The following SLC9D1 variants were observed in gnomAD, a reference collection of about 807,000 sequenced individuals.
SLC9D1 encodes putative LAG1-interacting protein.
At chr13:113,530,465 G>A in the SLC9D1 span, 6 of 151,946 alleles carry the variant, frequency 3.9e-5, no homozygotes, top group Non-Finnish European at 7.4e-5. Context: ...TATATAACAA[G>A]GTGTTAATGA....
At chr13:113,522,415 A>C in the SLC9D1 span, among the ~76,000 whole-genome samples, 2 of 152,186 alleles carry the variant, frequency 1.3e-5, no homozygotes, top group Non-Finnish European at 2.9e-5. Flanking sequence ...ATCTGGGCTC[A>C]CTGCAAGCTC....
chr13:113,540,701 G>A, the SLC9D1 span, among the ~76,000 whole-genome samples: 1 of 152,212 alleles, frequency 6.6e-6, no homozygotes, highest in South Asian at 2.1e-4. Flanking sequence ...CCTGCTGAGA[G>A]CTGCTTTGCT....
the SLC9D1 span, chr13:113,495,709 C>T: frequency 1.9e-6 from 3 of 1,613,106 alleles, no homozygotes; most frequent in Middle Eastern, 1.7e-4. Flanking sequence ...GGGGTGGCTG[C>T]CATGCAGAGC....
the SLC9D1 span, chr13:113,510,205 A>G: frequency 6.3e-7 from 1 of 1,594,840 alleles, no homozygotes; most frequent in Non-Finnish European, 8.6e-7. Flanking sequence ...TGTTGTCACT[A>G]AAAAGTGTGT....
chr13:113,498,336 G>T, the SLC9D1 span: 1 of 1,520,836 alleles, frequency 6.6e-7, no homozygotes, highest in Non-Finnish European at 8.7e-7. Flanking sequence ...TCTTACAAAT[G>T]AATAGGAAGA....
the SLC9D1 span, among the ~76,000 whole-genome samples, chr13:113,499,724 C>T: frequency 1.3e-5 from 2 of 152,116 alleles, no homozygotes; most frequent in African/African-American, 2.4e-5. Flanking sequence ...GAGGAGAACT[C>T]GTATTTTAAG....
chr13:113,510,006 C>T, the SLC9D1 span, among the ~76,000 whole-genome samples: 1 of 152,182 alleles, frequency 6.6e-6, no homozygotes, highest in Non-Finnish European at 1.5e-5. Context: ...TATTCACACA[C>T]ATGGGGAGAG....
chr13:113,497,256 C>A, the SLC9D1 span, among the ~76,000 whole-genome samples: 450 of 152,138 alleles, frequency 3.0e-3, 8 homozygotes, highest in East Asian at 2.0e-3. Context: ...ATGAGACCTG[C>A]AGCTATGTGA....
chr13:113,544,410 C>T, the SLC9D1 span, among the ~76,000 whole-genome samples: 5,758 of 152,328 alleles, frequency 0.038, 294 homozygotes, highest in African/African-American at 0.12. Flanking sequence ...AGTGTGGCTC[C>T]GGCCCAGGTT....
At chr13:113,510,381 C>T in the SLC9D1 span, 77 of 1,613,654 alleles carry the variant, frequency 4.8e-5, no homozygotes, top group Non-Finnish European at 5.8e-5. Flanking sequence ...GCACACCCCT[C>T]GTGTCCAGGT....
At chr13:113,501,885 G>A in the SLC9D1 span, 1 of 1,603,006 alleles carries the variant, frequency 6.2e-7, no homozygotes, top group Middle Eastern at 1.7e-4. Context: ...ATTAAGGTAA[G>A]AACAAAATTG....
chr13:113,526,164 A>G, the SLC9D1 span, among the ~76,000 whole-genome samples: 1 of 152,210 alleles, frequency 6.6e-6, no homozygotes, highest in Non-Finnish European at 1.5e-5. Flanking sequence ...GATGGTCCTG[A>G]CCCTGTGCGG....
At chr13:113,526,556 CA>C in the SLC9D1 span, among the ~76,000 whole-genome samples, 290 of 143,314 alleles carry the variant, frequency 2.0e-3, no homozygotes, top group Middle Eastern at 3.6e-3. Flanking sequence ...TCATCTCTAC[CA>C]AAAAAAAAAA....
At chr13:113,505,483 A>G in the SLC9D1 span, 3 of 152,368 alleles carry the variant, frequency 2.0e-5, no homozygotes, top group East Asian at 3.9e-4. Flanking sequence ...CGTGACTACC[A>G]TGGAGTGTTA....
the SLC9D1 span, among the ~76,000 whole-genome samples, chr13:113,511,414 G>T: frequency 1.5e-4 from 23 of 152,122 alleles, no homozygotes; most frequent in Non-Finnish European, 2.8e-4. Context: ...GCCATGGGCC[G>T]CCAAGCAGGG....
the SLC9D1 span, among the ~76,000 whole-genome samples, chr13:113,525,670 C>T: frequency 6.7e-6 from 1 of 149,498 alleles, no homozygotes; most frequent in Non-Finnish European, 1.5e-5. Context: ...TCATAGGAGA[C>T]GACAGCTCTG....
the SLC9D1 span, among the ~76,000 whole-genome samples, chr13:113,499,415 C>T: frequency 6.6e-6 from 1 of 152,206 alleles, no homozygotes; most frequent in Non-Finnish European, 1.5e-5. Flanking sequence ...TTTTACCCTG[C>T]TCATATTCAA....
the SLC9D1 span, among the ~76,000 whole-genome samples, chr13:113,494,956 T>C: frequency 0.014 from 2,170 of 152,278 alleles, 48 homozygotes; most frequent in African/African-American, 0.05. Flanking sequence ...TGATCTGGGC[T>C]CCCTGCAACG....
chr13:113,491,392 C>CAAGG, the SLC9D1 span: 1 of 150,690 alleles, frequency 6.6e-6, no homozygotes, highest in Non-Finnish European at 1.5e-5. Flanking sequence ...CTTCCCTTCC[C>CAAGG]AAGGGTCCCC....
Sources: allele counts gnomAD v4.1 joint callset (sites outside exome capture counted in the v4.1 genomes callset), GRCh38; gene constraint gnomAD v4.1.1; transcripts MANE v1.5; gene names NCBI Gene and HGNC (gene_info 2026-07-23, HGNC 2026-07-21).